Variants in EPHA6 observed in about 807,000 individuals in gnomAD.
The protein encoded by EPHA6 is EPH receptor A6, also known as ephrin type-A receptor 6.
Under a neutral mutation model 112.0 loss-of-function variants are expected in EPHA6, and 50 were observed. The observed-to-expected ratio is 0.45, with a 90% CI of 0.36 to 0.56. EPHA6 has a LOEUF of 0.56. EPHA6 is among the 20% of genes least tolerant of loss of function. The pLI is 0.00. For missense variants in EPHA6, 1,280 were observed against 1,417.4 expected (o/e 0.90, Z 1.56); for synonymous variants, 529 against 490.7 (o/e 1.08, Z -1.03).
chr3:97,580,286 C>A (rs957310572), intron 11 of EPHA6, among the ~76,000 whole-genome samples: 3 of 152,276 alleles, frequency 2.0e-5, no homozygotes, highest in South Asian at 2.1e-4. Context: ...CATTCACCAC[C>A]CCTAGTGGAA....
chr3:97,163,721 C>G (rs893300936), intron 3 of EPHA6, among the ~76,000 whole-genome samples: 6 of 152,146 alleles, frequency 3.9e-5, no homozygotes, highest in African/African-American at 1.4e-4. Context: ...GGAGAGGCAG[C>G]TTTCATGCCA....
At chr3:96,827,154 C>T (rs1348930896) in intron 1 of EPHA6, among the ~76,000 whole-genome samples, 2 of 152,074 alleles carry the variant, frequency 1.3e-5, no homozygotes, top group African/African-American at 4.8e-5. Context: ...TCTGGCTTTA[C>T]TGCATGTGTG....
chr3:97,425,349 C>T (rs2089024165), intron 6 of EPHA6, among the ~76,000 whole-genome samples: 1 of 152,244 alleles, frequency 6.6e-6, no homozygotes, highest in Non-Finnish European at 1.5e-5. Context: ...CATATACCCT[C>T]TGAAATATAG....
At chr3:96,958,372 C>T (rs770696415) in intron 2 of EPHA6, among the ~76,000 whole-genome samples, 3 of 151,710 alleles carry the variant, frequency 2.0e-5, no homozygotes, top group Non-Finnish European at 2.9e-5. Context: ...GCTCAACTTT[C>T]GTAAAACTCA....
At chr3:97,451,692 T>C (rs565583968) in intron 7 of EPHA6, among the ~76,000 whole-genome samples, 6 of 151,648 alleles carry the variant, frequency 4.0e-5, no homozygotes, top group Non-Finnish European at 7.4e-5. Context: ...TAGTAGCATA[T>C]GGATAGGTTT....
chr3:97,364,786 C>G (rs913896321), intron 5 of EPHA6, among the ~76,000 whole-genome samples: 14 of 152,138 alleles, frequency 9.2e-5, no homozygotes, highest in Non-Finnish European at 1.6e-4. Context: ...TTAAAACTTA[C>G]TGATTTCTTA....
chr3:97,574,125 C>T (rs1221435983), intron 11 of EPHA6, among the ~76,000 whole-genome samples: 1 of 151,998 alleles, frequency 6.6e-6, no homozygotes, highest in East Asian at 1.9e-4. Context: ...GTTTTTATTT[C>T]ATTGGTTTGA....
Position 97,306,363 on chromosome 3 carries a change from G to A in EPHA6, c.1606+62076G>A, listed in dbSNP as rs1374038799. On this transcript the variant is annotated intron_variant, in intron 5 of 17. Transcript: ENST00000389672. ...ATTACCTGAGCATTCTCCACTTGAC[G>A]GTTTTCTCTCCAGACCTGCCCTTAA... Among the ~76,000 whole-genome samples, 7 of 149,066 alleles carry A rather than the reference G, an allele frequency of 4.7e-5. No homozygotes were observed. The South Asian group carries it at 8.5e-4, about 18-fold the overall frequency.
intron 11 of EPHA6, among the ~76,000 whole-genome samples, chr3:97,569,698 G>T (rs1337308851): frequency 6.6e-6 from 1 of 152,154 alleles, no homozygotes; most frequent in African/African-American, 2.4e-5. Flanking sequence ...CAAAACTATT[G>T]TTTTAATTGA....
rs150547176 is a variant in EPHA6, at chr3:97,594,087, T to A, written c.2512+1350T>A. Among the ~76,000 whole-genome samples, 398 of 152,328 alleles carry A rather than the reference T, an allele frequency of 2.6e-3. 4 individuals carry two copies. The highest frequency in any genetic ancestry group is 8.8e-3 in the African/African-American group (365 of 41,580). ...CATGTATAATTAATATCCCAGTGAT[T>A]GGAATTTAGAAGATGAGCAGATTGT... On this transcript the variant is annotated intron_variant, in intron 12 of 17. Coordinates refer to ENST00000389672, the MANE Select transcript of EPHA6 (RefSeq NM_001080448.3).
chr3:97,319,426 G>A (rs960572846), intron 5 of EPHA6, among the ~76,000 whole-genome samples: 2 of 151,424 alleles, frequency 1.3e-5, no homozygotes, highest in Admixed American at 6.6e-5. Flanking sequence ...CCAGCACTTT[G>A]GGAGGCTGAG....
chr3:96,845,229 G>T (rs1344052764), intron 1 of EPHA6, among the ~76,000 whole-genome samples: 1 of 151,988 alleles, frequency 6.6e-6, no homozygotes, highest in Non-Finnish European at 1.5e-5. Context: ...GTGGCAGCAT[G>T]TAAAAAAATG....
chr3:96,840,590 A>G (rs1267276955), intron 1 of EPHA6, among the ~76,000 whole-genome samples: 1 of 152,086 alleles, frequency 6.6e-6, no homozygotes, highest in African/African-American at 2.4e-5. Flanking sequence ...CTGTCTGACC[A>G]CTACCTATGT....
rs74752027 is a variant in EPHA6, at chr3:97,517,906, T to G, written c.2201-14452T>G. On this transcript the variant is annotated intron_variant, in intron 10 of 17. Transcript: ENST00000389672. ...ATAATGTCCTCCATTCCATCCCTGT[T>G]GCACAAGTAACAGAATTTCCTTTTT... Among the ~76,000 whole-genome samples the G allele has an allele frequency of 3.3e-3, 498 of 152,294 alleles. 1 individual carries two copies. The highest frequency in any genetic ancestry group is 0.011 in the African/African-American group (475 of 41,584).
intron 3 of EPHA6, among the ~76,000 whole-genome samples, chr3:97,103,077 TTGTC>T (rs1373480829): frequency 1.3e-5 from 2 of 152,182 alleles, no homozygotes; most frequent in East Asian, 1.9e-4. Context: ...ATTCTGTAGG[TTGTC>T]TGTTTACTTA....
intron 12 of EPHA6, among the ~76,000 whole-genome samples, chr3:97,603,973 GCATATAATACTCAA>G (rs1166777150): frequency 1.3e-5 from 2 of 151,730 alleles, no homozygotes; most frequent in African/African-American, 2.4e-5. Flanking sequence ...CAGTAAGGTA[GCATATAATACTCAA>G]CATATAGCCA....
chr3:96,983,144 G>T (rs530124683), intron 2 of EPHA6, among the ~76,000 whole-genome samples: 7 of 152,118 alleles, frequency 4.6e-5, no homozygotes, highest in Non-Finnish European at 1.0e-4. Flanking sequence ...TTTCTTCCTA[G>T]CCTCGATGGT....
At chr3:97,199,852 A>C (rs1241006757) in intron 3 of EPHA6, among the ~76,000 whole-genome samples, 1 of 152,166 alleles carries the variant, frequency 6.6e-6, no homozygotes, top group Non-Finnish European at 1.5e-5. Context: ...TTGGTTATTC[A>C]CTGGCTATTG....
At chr3:97,523,632 C>G (rs964045658) in intron 10 of EPHA6, among the ~76,000 whole-genome samples, 1 of 151,980 alleles carries the variant, frequency 6.6e-6, no homozygotes, top group Non-Finnish European at 1.5e-5. Context: ...TTTACTATTA[C>G]TGTATTATAC....
Sources: gnomAD v4.1 joint callset for allele counts (sites outside exome capture counted in the v4.1 genomes callset) on GRCh38, gnomAD v4.1.1 for gene constraint, MANE v1.5 for transcripts, NCBI Gene and HGNC (gene_info 2026-07-23, HGNC 2026-07-21) for gene names.